PDSS2: variants seen among roughly 807,000 people sequenced by gnomAD.
PDSS2 encodes the protein decaprenyl diphosphate synthase subunit 2, also known as all trans-polyprenyl-diphosphate synthase PDSS2.
In PDSS2, 31 loss-of-function variants were observed where a neutral mutation model predicts 44.5. That is an observed-to-expected ratio of 0.70 (90% CI 0.52 to 0.94). The LOEUF is 0.94. Ranked by LOEUF, PDSS2 falls within the 40% of genes least tolerant of loss-of-function variation. The probability of loss-of-function intolerance (pLI) is 0.00; values close to 1 mark genes in which losing one functional copy is unlikely to be tolerated. For synonymous variants in PDSS2, 157 were observed against 180.3 expected, an observed-to-expected ratio of 0.87 and a Z score of 1.03; for missense variants, 452 against 482.2, an observed-to-expected ratio of 0.94 and a Z score of 0.59.
intron 1 of PDSS2, among the ~76,000 whole-genome samples, chr6:107,354,041 A>G (rs1778511911): frequency 6.6e-6 from 1 of 152,226 alleles, no homozygotes. Context: ...TGTATTGAAT[A>G]CACTTGAACT....
chr6:107,459,160 G>A lies in PDSS2; in HGVS notation c.126C>T (p.Ser42=), dbSNP rs139424190. The part of the protein sequence containing the change: ...ISSVGSWRGR[S]SKSPAHWNQV... ...GATTCCAGTGGGCCGGGGACTTGGA[G>A]GACCGACCACGCCAAGAGCCCACCG... The change falls in exon 1 of 8, where the codon TCC becomes TCT. Residue 42 remains serine, a synonymous_variant. Coordinates refer to ENST00000369037, the MANE Select transcript of PDSS2 (RefSeq NM_020381.4). The surrounding 1 kb of genome is among the most constrained non-coding windows in gnomAD (Gnocchi z 4.3). The A allele has an allele frequency of 3.7e-5, 60 of 1,614,064 alleles. No homozygotes were observed. The highest frequency in any genetic ancestry group is 5.0e-5 in the Non-Finnish European group (59 of 1,180,052).
chr6:107,436,271 T>C (rs991876999), intron 1 of PDSS2, among the ~76,000 whole-genome samples: 1 of 152,068 alleles, frequency 6.6e-6, no homozygotes, highest in Non-Finnish European at 1.5e-5. Context: ...AATTACAGAA[T>C]ACAGGATTGA....
At chr6:107,455,298 G>A (rs973264594) in intron 1 of PDSS2, among the ~76,000 whole-genome samples, 3 of 150,210 alleles carry the variant, frequency 2.0e-5, no homozygotes, top group African/African-American at 4.9e-5. Context: ...GACGAACTAC[G>A]GTTCTCAGAA....
chr6:107,360,102 T>C (rs1778722307), intron 1 of PDSS2, among the ~76,000 whole-genome samples: 1 of 152,196 alleles, frequency 6.6e-6, no homozygotes, highest in Non-Finnish European at 1.5e-5. Context: ...CAAAGAATTG[T>C]CATAAAACCA....
At chr6:107,401,041 A>T (rs1780091688) in intron 1 of PDSS2, among the ~76,000 whole-genome samples, 1 of 152,220 alleles carries the variant, frequency 6.6e-6, no homozygotes, top group African/African-American at 2.4e-5. Context: ...TCTCCTGGTT[A>T]ACAAAGGTCA....
chr6:107,437,140 C>T (rs319072), intron 1 of PDSS2, among the ~76,000 whole-genome samples: 109,848 of 152,044 alleles, frequency 0.72, 40,135 homozygotes, highest in Middle Eastern at 0.79. Context: ...GTTGAGATTA[C>T]AGGTGTGTGC....
At chr6:107,344,709 G>A (rs1460655805) in intron 1 of PDSS2, among the ~76,000 whole-genome samples, 1 of 152,132 alleles carries the variant, frequency 6.6e-6, no homozygotes, top group African/African-American at 2.4e-5. Flanking sequence ...ACTAAATCAA[G>A]CCAGGAACTT....
In PDSS2 at chr6:107,275,627, T is replaced by C. The variant is rs1232237745; in HGVS notation, c.432-1400A>G. 5.3e-5 allele frequency among the ~76,000 whole-genome samples: 8 copies of C among 152,240 alleles called. No homozygotes were observed. The East Asian group carries it at 1.2e-3, about 22-fold the overall frequency. ...GTCAATCCACAGAATGGTAAGTTGTTTCAAGTCACTAAACTATATGGGTGA... is the reference window on the plus strand; with the variant it reads ...GTCAATCCACAGAATGGTAAGTTGTCTCAAGTCACTAAACTATATGGGTGA... On this transcript the variant is annotated intron_variant, in intron 2 of 7. Transcript: ENST00000369037.
At chr6:107,212,693 T>C (rs1229623157) in intron 4 of PDSS2, among the ~76,000 whole-genome samples, 1 of 152,100 alleles carries the variant, frequency 6.6e-6, no homozygotes, top group African/African-American at 2.4e-5. Context: ...AGGAACTACA[T>C]TTTCTTAGAA....
At chr6:107,245,741 GA>G (rs1175851964) in intron 3 of PDSS2, 122 bp from the exon 4 acceptor site, 3 of 607,478 alleles carry the variant, frequency 4.9e-6, no homozygotes, top group Non-Finnish European at 8.4e-6. Context: ...GAAAAAATGG[GA>G]CTATGCACCA....
intron 7 of PDSS2, among the ~76,000 whole-genome samples, chr6:107,178,391 G>A (rs1161172522): frequency 6.6e-6 from 1 of 152,182 alleles, no homozygotes; most frequent in Admixed American, 6.5e-5. Context: ...TCTACGCTAT[G>A]GTGTTATGGA....
intron 3 of PDSS2, among the ~76,000 whole-genome samples, chr6:107,271,946 C>T (rs1775612031): frequency 6.6e-6 from 1 of 151,950 alleles, no homozygotes; most frequent in African/African-American, 2.4e-5. Context: ...CACCTGTGGT[C>T]CCAGCTACTT....
At chr6:107,390,717 A>G (rs1046656413) in intron 1 of PDSS2, among the ~76,000 whole-genome samples, 1 of 152,150 alleles carries the variant, frequency 6.6e-6, no homozygotes, top group African/African-American at 2.4e-5. Flanking sequence ...GGAACTCTCT[A>G]AAATGTCTTT....
chr6:107,305,133 C>G (rs1453298238), intron 2 of PDSS2, among the ~76,000 whole-genome samples: 1 of 152,148 alleles, frequency 6.6e-6, no homozygotes, highest in African/African-American at 2.4e-5. Flanking sequence ...AACTCCCAGA[C>G]AATGCTTCTA....
intron 1 of PDSS2, among the ~76,000 whole-genome samples, chr6:107,366,661 T>G (rs1387703440): frequency 1.3e-5 from 2 of 151,892 alleles, no homozygotes; most frequent in African/African-American, 4.8e-5. Flanking sequence ...ACTGACCCTA[T>G]AGGAATTAAA....
rs1472759003 is a variant in PDSS2, at chr6:107,377,845, A to AGC, written c.297-43514_297-43513insGC. Among the ~76,000 whole-genome samples the AGC allele has an allele frequency of 3.3e-5, 5 of 151,884 alleles. No individual in the cohort carries two copies. In the East Asian group the frequency reaches 9.7e-4, roughly 29 times the overall value. On this transcript the variant is annotated intron_variant, in intron 1 of 7. Coordinates refer to ENST00000369037, the MANE Select transcript of PDSS2 (RefSeq NM_020381.4). ...GATGGGAACTGAACAATGAGAACAC[A>AGC]TGGACACAGGAAGGGGAACATCACA...
At chr6:107,167,427 T>C (rs200020159) in intron 7 of PDSS2, among the ~76,000 whole-genome samples, 58 of 147,568 alleles carry the variant, frequency 3.9e-4, no homozygotes, top group African/African-American at 6.8e-4. Context: ...TTCAAAAAAC[T>C]AGCTCCTGGA....
At chr6:107,159,385 G>T (rs1416048306) in intron 7 of PDSS2, among the ~76,000 whole-genome samples, 1 of 149,836 alleles carries the variant, frequency 6.7e-6, no homozygotes, top group Non-Finnish European at 1.5e-5. Context: ...GGAAGGGAGA[G>T]AAAGCAAGCA....
chr6:107,286,472 TGCACTCCA>T, intron 2 of PDSS2, among the ~76,000 whole-genome samples: 1 of 152,024 alleles, frequency 6.6e-6, no homozygotes, highest in African/African-American at 2.4e-5. Flanking sequence ...ATTGCACCAC[TGCACTCCA>T]GCCTGGTTGA....
Sources: gnomAD v4.1 joint callset for allele counts (sites outside exome capture counted in the v4.1 genomes callset) on GRCh38, gnomAD v4.1.1 for gene constraint, Gnocchi (gnomAD v3.1) non-coding constraint, MANE v1.5 for transcripts, NCBI Gene and HGNC (gene_info 2026-07-23, HGNC 2026-07-21) for gene names.